QPCT: variants seen among roughly 807,000 people sequenced by gnomAD.
The protein encoded by QPCT is glutaminyl-peptide cyclotransferase.
In QPCT, 44 loss-of-function variants were observed where a neutral mutation model predicts 43.4. That is an observed-to-expected ratio of 1.01 (90% CI 0.80 to 1.30). The LOEUF (loss-of-function observed/expected upper bound fraction) is 1.30. Ranked by LOEUF, QPCT falls within the 50% of genes most tolerant of loss-of-function variation. The pLI is 0.00. For missense variants in QPCT, 526 were observed against 436.5 expected (o/e 1.21, Z -1.83); for synonymous variants, 168 against 168.4 (o/e 1.00, Z 0.02).
rs139313238 is a variant in QPCT at position 37,364,388 on chromosome 2, G to A, written c.547-2844G>A. The stretch of plus-strand genomic sequence containing the variant: ...CAGATAGGCAGCAGGCCTAGTGGTC[G>A]GTCCAGGCTGGAGCAGGCAGCAGAG... On this transcript the variant is annotated intron_variant, in intron 3 of 6. Coordinates refer to ENST00000338415, the MANE Select transcript of QPCT (RefSeq NM_012413.4). Among the ~76,000 whole-genome samples, 247 of 152,262 alleles carry A rather than the reference G, an allele frequency of 1.6e-3. 1 individual carries two copies. The highest frequency in any genetic ancestry group is 5.6e-3 in the African/African-American group (233 of 41,542).
chr2:37,356,814 C>T (rs1256394181), intron 2 of QPCT, among the ~76,000 whole-genome samples: 4 of 151,988 alleles, frequency 2.6e-5, no homozygotes, highest in Non-Finnish European at 5.9e-5. Flanking sequence ...GAGACCATCC[C>T]GGCCAACATG....
chr2:37,357,769 T>C (rs1388842129), intron 2 of QPCT, among the ~76,000 whole-genome samples: 2 of 152,148 alleles, frequency 1.3e-5, no homozygotes, highest in African/African-American at 2.4e-5. Flanking sequence ...CCCCTTTCCT[T>C]GGAAGCTTCC....
chr2:37,365,430 C>G (rs1027788671), intron 3 of QPCT, among the ~76,000 whole-genome samples: 5 of 152,180 alleles, frequency 3.3e-5, no homozygotes, highest in African/African-American at 1.2e-4. Context: ...AGTTTCAGTA[C>G]ACGGTGGAGA....
At position 37,367,245 on chromosome 2, in the gene QPCT, C is replaced by G; in HGVS notation, c.560C>G (p.Ser187Cys). The change falls in exon 4 of 7, where the codon TCC (serine) becomes TGC (cysteine). Residue 187 changes from serine (S) to cysteine (C), a missense_variant. Physicochemically the swap from Ser to Cys is moderately radical, Grantham distance 112. Transcript: ENST00000338415. The stretch of plus-strand genomic sequence containing the variant: ...TGTTTTTACCAGACTGTTTCAGACT[C>G]CAAGCCAGATTTGTCACTCCAGCTG... ...KLLSLKTVSD[S>C]KPDLSLQLIF... 6.2e-7 allele frequency: 1 copy of G among 1,613,626 alleles called. No homozygotes were observed.
chr2:37,360,007 A>G (rs537171828), intron 3 of QPCT, 149 bp downstream of exon 3: 19 of 844,618 alleles, frequency 2.2e-5, no homozygotes, highest in Admixed American at 1.6e-4. Flanking sequence ...GTAAGATTGC[A>G]TGATTGGGAA....
At chr2:37,346,452 C>T (rs1038187627) in intron 1 of QPCT, among the ~76,000 whole-genome samples, 2 of 152,130 alleles carry the variant, frequency 1.3e-5, no homozygotes, top group Non-Finnish European at 2.9e-5. Flanking sequence ...TGTGATACAT[C>T]TAAATGGAAG....
intron 2 of QPCT, among the ~76,000 whole-genome samples, chr2:37,356,654 C>T (rs2058718): frequency 6.6e-6 from 1 of 152,118 alleles, no homozygotes; most frequent in Non-Finnish European, 1.5e-5. Context: ...CCAATTTGAT[C>T]GTTTATAAAG....
intron 1 of QPCT, among the ~76,000 whole-genome samples, chr2:37,347,802 C>T (rs1422158047): frequency 2.6e-5 from 4 of 152,128 alleles, no homozygotes; most frequent in African/African-American, 9.7e-5. Flanking sequence ...AATCATTCTT[C>T]CTTAGGTGCG....
chr2:37,353,231 T>C (rs1054849219), intron 2 of QPCT, among the ~76,000 whole-genome samples: 1 of 152,210 alleles, frequency 6.6e-6, no homozygotes, highest in Non-Finnish European at 1.5e-5. Context: ...TAAGTTTTCT[T>C]GAATCCTAAA....
In QPCT at chr2:37,372,466, A is replaced by G; in HGVS notation, c.934A>G (p.Arg312Gly). 6.2e-7 allele frequency: 1 copy of G among 1,610,312 alleles called. No individual in the cohort carries two copies. Among genetic ancestry groups the G allele is most frequent in the Non-Finnish European group, 8.5e-7 (1 of 1,176,654 alleles). ...VIQDDHIPFL[R>G]RGVPVLHLIP... is the part of the protein sequence containing the mutation. ...TCAGGATGACCATATTCCATTTTTA[A>G]GAAGAGGTAATGTGTGTGTGTGTGT... The change falls in exon 6 of 7, where the codon AGA becomes GGA. Residue 312 changes from arginine to glycine, a missense_variant. By Grantham distance (125) the Arg-to-Gly change is moderately radical. Transcript: ENST00000338415.
intron 3 of QPCT, 128 bp from the exon 4 acceptor site, chr2:37,367,104 G>A: frequency 2.7e-6 from 3 of 1,096,920 alleles, no homozygotes; most frequent in South Asian, 3.2e-5. Context: ...TTTTGCCATA[G>A]TTTCACTTGC....
chr2:37,356,899 G>T (rs1006214287), intron 2 of QPCT, among the ~76,000 whole-genome samples: 1 of 151,976 alleles, frequency 6.6e-6, no homozygotes, highest in Non-Finnish European at 1.5e-5. Context: ...CCAGCTTTTC[G>T]GGAGGCTAAG....
At chr2:37,367,707 A>G (rs1672989219) in intron 4 of QPCT, among the ~76,000 whole-genome samples, 1 of 152,094 alleles carries the variant, frequency 6.6e-6, no homozygotes, top group Non-Finnish European at 1.5e-5. Flanking sequence ...CTTCGTCTCT[A>G]CAACAAATAA....
intron 5 of QPCT, 32 bp downstream of exon 5, chr2:37,369,816 T>C (rs372698419): frequency 3.4e-5 from 51 of 1,497,510 alleles, no homozygotes; most frequent in Non-Finnish European, 4.6e-5. Context: ...GAATAAAACA[T>C]CATTTCTTGC....
chr2:37,349,013 A>G (rs1329213309), intron 1 of QPCT, among the ~76,000 whole-genome samples: 3 of 152,194 alleles, frequency 2.0e-5, no homozygotes, highest in Non-Finnish European at 4.4e-5. Context: ...AGTTCTGAGA[A>G]TAAGACCCCT....
chr2:37,369,854 T>C, intron 5 of QPCT, 70 bp downstream of exon 5: 1 of 1,410,124 alleles, frequency 7.1e-7, no homozygotes, highest in South Asian at 1.2e-5. Flanking sequence ...TTTTTAACAT[T>C]TAAAATTTAT....
At chr2:37,348,137 G>A (rs1023426026) in intron 1 of QPCT, among the ~76,000 whole-genome samples, 2 of 151,976 alleles carry the variant, frequency 1.3e-5, no homozygotes, top group African/African-American at 2.4e-5. Context: ...AGACTCTCAG[G>A]CAGTGACGTG....
intron 3 of QPCT, among the ~76,000 whole-genome samples, chr2:37,366,937 G>A (rs1047973933): frequency 6.6e-6 from 1 of 152,230 alleles, no homozygotes; most frequent in African/African-American, 2.4e-5. Context: ...TGTATCACAC[G>A]ATTCATCACA....
intron 1 of QPCT, among the ~76,000 whole-genome samples, chr2:37,345,835 CA>C (rs70949752): frequency 0.078 from 6,439 of 82,580 alleles, 215 homozygotes; most frequent in African/African-American, 0.23. Context: ...GACTCCGTCT[CA>C]AAAAAAAAAA....
Sources: gnomAD v4.1 joint callset for allele counts (sites outside exome capture counted in the v4.1 genomes callset) on GRCh38, gnomAD v4.1.1 for gene constraint, MANE v1.5 for transcripts, NCBI Gene and HGNC (gene_info 2026-07-23, HGNC 2026-07-21) for gene names.